ASTN1: variants seen among roughly 807,000 people sequenced by gnomAD.
The protein encoded by ASTN1 is astrotactin-1.
Under a neutral mutation model 140.7 loss-of-function variants are expected in ASTN1, and 41 were observed. That is an observed-to-expected ratio of 0.29 (90% confidence interval 0.23 to 0.38). ASTN1 has a LOEUF of 0.38. Ranked by LOEUF, ASTN1 falls within the 10% of genes least tolerant of loss-of-function variation. ASTN1 has a pLI of 1.00. For missense variants in ASTN1, 1,479 were observed against 1,678.8 expected (o/e 0.88, Z 2.08); for synonymous variants, 640 against 652.2 (o/e 0.98, Z 0.29).
At chr1:176,978,526 A>G (rs1158774823) in intron 8 of ASTN1, among the ~76,000 whole-genome samples, 1 of 152,202 alleles carries the variant, frequency 6.6e-6, no homozygotes. Flanking sequence ...AGGAAGAGGA[A>G]ATAGTGTAAG....
chr1:177,057,034 GAAAT>G (rs1436747044), intron 2 of ASTN1, among the ~76,000 whole-genome samples: 2 of 152,108 alleles, frequency 1.3e-5, no homozygotes, highest in Non-Finnish European at 2.9e-5. Context: ...TGCAAAATTT[GAAAT>G]AAATCTCTTC....
At chr1:177,072,548 G>T (rs1314735918) in intron 1 of ASTN1, among the ~76,000 whole-genome samples, 3 of 152,264 alleles carry the variant, frequency 2.0e-5, no homozygotes, top group East Asian at 1.9e-4. Flanking sequence ...TGATTTAAAA[G>T]AAATACAAGG....
At position 176,862,609 on chromosome 1, in the gene ASTN1, CA is replaced by C; in HGVS notation, c.*1674del. 2.0e-6 allele frequency: 2 copies of C among 980,182 alleles called. No homozygotes were observed. Among genetic ancestry groups the C allele is most frequent in the Non-Finnish European group, 2.4e-6 (2 of 825,202 alleles). 60.7% of individuals were successfully genotyped at this position (980,182 alleles called of 1,614,324 possible). A position where few individuals can be genotyped will look rare whatever the true frequency, so the allele number is the denominator to read the frequency against. ...TAAGATCCTGTGCCCTGGAGACCAA[CA>C]GCCTGAAATCACACTGAAACTCAGT... On this transcript the variant is annotated 3_prime_UTR_variant, in exon 23 of 23. Transcript: ENST00000361833.
In ASTN1 at chr1:177,063,515, G is replaced by T. The variant is rs899793095; in HGVS notation, c.284-2250C>A. Among the ~76,000 whole-genome samples the T allele has an allele frequency of 2.0e-5, 3 of 152,238 alleles. No homozygotes were observed. In the South Asian group the frequency reaches 6.2e-4, roughly 32 times the overall value. On this transcript the variant is annotated intron_variant, in intron 1 of 22. Transcript: ENST00000361833. ...TGACACAGACTTCTCCAGGAAAAGA[G>T]TCCCTCTTTCTACTAAGGAGGCTTC...
Position 176,932,796 on chromosome 1 carries a change from C to T in ASTN1, c.2671+1356G>A, listed in dbSNP as rs1469833750. 3.3e-5 allele frequency among the ~76,000 whole-genome samples: 5 copies of T among 152,196 alleles called. 1 individual carries two copies. Among genetic ancestry groups the T allele is most frequent in the African/African-American group, 1.2e-4 (5 of 41,464 alleles). ...GAGAGGCAAGGCCTAGAACTAGGAG[C>T]TCTTGGTAGGGTCAGACTTTTATCT... On this transcript the variant is annotated intron_variant, in intron 16 of 22. Transcript: ENST00000361833.
intron 16 of ASTN1, among the ~76,000 whole-genome samples, chr1:176,925,965 C>T (rs548545442): frequency 6.6e-6 from 1 of 152,076 alleles, no homozygotes; most frequent in South Asian, 2.1e-4. Context: ...GGCACCACGC[C>T]CAGCTAATTT....
intron 1 of ASTN1, among the ~76,000 whole-genome samples, chr1:177,069,882 G>C (rs1678553360): frequency 6.6e-6 from 1 of 150,882 alleles, no homozygotes; most frequent in South Asian, 2.1e-4. Context: ...AAAGCCCAAA[G>C]CTTTTTGAAA....
At position 176,887,136 on chromosome 1, in the gene ASTN1, T is replaced by C. The variant is rs78575325; in HGVS notation, c.3074+935A>G. ...GCCCTCTGCTCTTCCCACTTGATTA[T>C]TGTTCTGGAGCACTCTTTCTAATAG... On this transcript the variant is annotated intron_variant, in intron 18 of 22. Coordinates refer to ENST00000361833, the MANE Select transcript of ASTN1 (RefSeq NM_004319.3). Among the ~76,000 whole-genome samples the C allele has an allele frequency of 6.7e-3, 1,021 of 152,324 alleles. 11 individuals are homozygous for C. The highest frequency in any genetic ancestry group is 0.023 in the African/African-American group (944 of 41,566).
At chr1:177,079,326 G>A (rs979410992) in intron 1 of ASTN1, among the ~76,000 whole-genome samples, 1 of 152,126 alleles carries the variant, frequency 6.6e-6, no homozygotes, top group African/African-American at 2.4e-5. Flanking sequence ...GGCAGTGTGG[G>A]GTTTGTGGAA....
chr1:177,032,589 A>C lies in ASTN1; in HGVS notation c.732T>G (p.Tyr244Ter). The change falls in exon 3 of 23, where the codon TAT becomes TAG. Residue 244 changes from tyrosine (Y) to a stop codon, truncating the protein, a stop_gained. Transcript: ENST00000361833. LOFTEE classifies it high-confidence loss of function. ...RETPILDGYEYDITDLRHHLQ... is the reference protein window; with the variant it reads ...RETPILDGYE ...GATGGTGGCGCAGATCAGTGATGTC[A>C]TACTCATAGCCGTCCAGGATAGGTG... is the stretch of plus-strand genomic sequence containing the variant. 6.2e-7 allele frequency: 1 copy of C among 1,614,136 alleles called. No homozygotes were observed. Among genetic ancestry groups the C allele is most frequent in the Non-Finnish European group, 8.5e-7 (1 of 1,180,026 alleles).
At chr1:176,950,840 A>G (rs1453330237) in intron 11 of ASTN1, among the ~76,000 whole-genome samples, 1 of 152,040 alleles carries the variant, frequency 6.6e-6, no homozygotes, top group African/African-American at 2.4e-5. Context: ...ACCAAACTAA[A>G]GCAAAACTTT....
chr1:176,877,130 A>G (rs1003348517), intron 20 of ASTN1, among the ~76,000 whole-genome samples: 5 of 152,242 alleles, frequency 3.3e-5, no homozygotes, highest in African/African-American at 1.2e-4. Context: ...CTGAAGCCAC[A>G]TAGTTATAGT....
downstream of ASTN1, among the ~76,000 whole-genome samples, chr1:176,859,640 C>T (rs1283715495): frequency 6.6e-6 from 1 of 152,114 alleles, no homozygotes; most frequent in Non-Finnish European, 1.5e-5. Flanking sequence ...AAAAATTAGC[C>T]AGGCAGTGTG....
intron 15 of ASTN1, 65 bp downstream of exon 15, chr1:176,936,201 C>T (rs902465338): frequency 2.1e-6 from 3 of 1,425,082 alleles, no homozygotes; most frequent in African/African-American, 1.4e-5. Context: ...CCAAAGGCTT[C>T]TCCCCTTGGA....
At position 177,158,655 on chromosome 1, in the gene ASTN1, C is replaced by CGTGTGT. The variant is rs34610563; in HGVS notation, c.283+5733_283+5738dup. Among the ~76,000 whole-genome samples the CGTGTGT allele has an allele frequency of 6.3e-3, 892 of 142,692 alleles. 9 individuals are homozygous for CGTGTGT. Among genetic ancestry groups the CGTGTGT allele is most frequent in the South Asian group, 0.023 (100 of 4,338 alleles). The allele number at this position is 142,692 out of a possible 152,430, so 93.6% of individuals were successfully genotyped here. A position where few individuals can be genotyped will look rare whatever the true frequency, so the allele number is the denominator to read the frequency against. ...TTCTAAGAAAAGAAAGAAAAAAGTA[C>CGTGTGT]GTGTGTGTGTGTGTGTGTGTGTGTG... is the stretch of plus-strand genomic sequence containing the variant. On this transcript the variant is annotated intron_variant, in intron 1 of 22. Coordinates refer to ENST00000361833, the MANE Select transcript of ASTN1 (RefSeq NM_004319.3).
intron 8 of ASTN1, among the ~76,000 whole-genome samples, chr1:176,969,941 G>T (rs1673063439): frequency 6.6e-6 from 1 of 152,232 alleles, no homozygotes; most frequent in African/African-American, 2.4e-5. Flanking sequence ...CCATGCCCAT[G>T]CAGGAACATA....
intron 8 of ASTN1, among the ~76,000 whole-genome samples, chr1:177,010,932 G>C (rs557146723): frequency 6.6e-6 from 1 of 152,040 alleles, no homozygotes; most frequent in Admixed American, 6.5e-5. Flanking sequence ...AATATGAAAG[G>C]TCCCAAAAAA....
chr1:176,879,939 T>C (rs1398719375), intron 20 of ASTN1, among the ~76,000 whole-genome samples: 1 of 152,168 alleles, frequency 6.6e-6, no homozygotes, highest in Non-Finnish European at 1.5e-5. Context: ...ACACATTTCA[T>C]GTGGAAATGC....
chr1:176,917,307 G>C (rs887621955), intron 16 of ASTN1, among the ~76,000 whole-genome samples: 1 of 152,204 alleles, frequency 6.6e-6, no homozygotes, highest in African/African-American at 2.4e-5. Flanking sequence ...GTAGCTGTAG[G>C]TATGTGTGGA....
Sources: allele counts gnomAD v4.1 joint callset (sites outside exome capture counted in the v4.1 genomes callset), GRCh38; gene constraint gnomAD v4.1.1; transcripts MANE v1.5; gene names NCBI Gene and HGNC (gene_info 2026-07-23, HGNC 2026-07-21).